Variants in ADGRV1 observed in about 807,000 individuals in gnomAD.
ADGRV1 encodes adhesion G protein-coupled receptor V1.
A neutral mutation model predicts 596.2 loss-of-function variants in ADGRV1; 359 were observed. That is an observed-to-expected ratio of 0.60 (90% CI 0.55 to 0.66). The LOEUF (loss-of-function observed/expected upper bound fraction) is 0.66, where lower values mean the gene tolerates loss of function less well. ADGRV1 is among the 30% of genes least tolerant of loss of function. The probability of loss-of-function intolerance (pLI) is 0.00; values close to 1 mark genes in which losing one functional copy is unlikely to be tolerated. For synonymous variants in ADGRV1, 2,681 were observed against 2,679.2 expected, an observed-to-expected ratio of 1.00 and a Z score of -0.02; for missense variants, 7,274 against 7,575.6, an observed-to-expected ratio of 0.96 and a Z score of 1.48.
At chr5:90,648,510 G>A (rs901278315) in intron 17 of ADGRV1, among the ~76,000 whole-genome samples, 2 of 152,006 alleles carry the variant, frequency 1.3e-5, no homozygotes, top group Non-Finnish European at 2.9e-5. Context: ...GAGCTCTAAC[G>A]TTTGCATCGG....
intron 83 of ADGRV1, among the ~76,000 whole-genome samples, chr5:90,920,574 A>G (rs1037969661): frequency 6.6e-6 from 1 of 152,206 alleles, no homozygotes; most frequent in Non-Finnish European, 1.5e-5. Flanking sequence ...TTAATATTTT[A>G]TAGCTGATTC....
chr5:90,622,540 C>T (rs932331675), intron 4 of ADGRV1, 57 bp from the exon 5 acceptor site: 14 of 678,396 alleles, frequency 2.1e-5, no homozygotes, highest in African/African-American at 3.8e-5. Flanking sequence ...TAGTTTTTAC[C>T]GCCTCATACC....
At chr5:90,780,535 G>C (rs1758726152) in intron 64 of ADGRV1, among the ~76,000 whole-genome samples, 1 of 152,120 alleles carries the variant, frequency 6.6e-6, no homozygotes, top group Non-Finnish European at 1.5e-5. Context: ...TTGAAGCTTT[G>C]TTTGATGGGA....
chr5:90,746,652 A>G (rs1754663966), intron 52 of ADGRV1, among the ~76,000 whole-genome samples: 1 of 152,160 alleles, frequency 6.6e-6, no homozygotes, highest in Non-Finnish European at 1.5e-5. Context: ...GTTGTTTGAA[A>G]GCTGATGTTA....
intron 89 of ADGRV1, among the ~76,000 whole-genome samples, chr5:91,162,692 A>T (rs1797057332): frequency 6.6e-6 from 1 of 152,206 alleles, no homozygotes; most frequent in Admixed American, 6.5e-5. Flanking sequence ...TAACAGAGAG[A>T]GTGCGAAGGT....
At chr5:90,759,388 C>G (rs1372918711) in intron 57 of ADGRV1, 21 bp from the exon 58 acceptor site, 6 of 1,503,518 alleles carry the variant, frequency 4.0e-6, no homozygotes, top group Non-Finnish European at 5.4e-6. Flanking sequence ...CTCTTTCTCC[C>G]TTCCTTCCTT....
chr5:91,053,267 T>A (rs555476326), intron 85 of ADGRV1, among the ~76,000 whole-genome samples: 1 of 152,356 alleles, frequency 6.6e-6, no homozygotes, highest in South Asian at 2.1e-4. Context: ...AAATGATATA[T>A]GTCACTCAGT....
chr5:90,620,003 T>A (rs907147458), intron 4 of ADGRV1, among the ~76,000 whole-genome samples: 1 of 152,070 alleles, frequency 6.6e-6, no homozygotes, highest in African/African-American at 2.4e-5. Flanking sequence ...TCTATCATTG[T>A]TGGACATTTG....
chr5:90,712,375 A>T lies in ADGRV1; in HGVS notation c.9131A>T (p.Gln3044Leu), dbSNP rs778099492. 5 of 1,584,918 alleles carry T rather than the reference A, an allele frequency of 3.2e-6. No homozygotes were observed. In the East Asian group the frequency reaches 1.1e-4, roughly 36 times the overall value. Residue 3044 changes from glutamine (Q) to leucine (L), a missense_variant, in exon 42 of 90, where the codon CAG becomes CTG. Coordinates refer to ENST00000405460, the MANE Select transcript of ADGRV1 (RefSeq NM_032119.4). ...ATTCCAGAAGGAGATGAAAAATTTC[A>T]GCTGATTTTAACAAATCCTTCTCCT... ...DDIPEGDEKF[Q>L]LILTNPSPGL...
chr5:90,597,259 T>A (rs1281166483), intron 1 of ADGRV1, among the ~76,000 whole-genome samples: 1 of 152,212 alleles, frequency 6.6e-6, no homozygotes, highest in Non-Finnish European at 1.5e-5. Flanking sequence ...AATATGAGTG[T>A]TGTTCTGCAG....
intron 20 of ADGRV1, 120 bp from the exon 21 acceptor site, chr5:90,657,785 A>G (rs1368672605): frequency 1.9e-6 from 2 of 1,060,284 alleles, no homozygotes; most frequent in East Asian, 5.0e-5. Context: ...TAGTTATGCA[A>G]AAGTTTCATT....
intron 34 of ADGRV1, among the ~76,000 whole-genome samples, chr5:90,701,221 T>C (rs776963378): frequency 1.3e-5 from 2 of 152,096 alleles, no homozygotes; most frequent in Admixed American, 6.5e-5. Context: ...AAAGTCTTTG[T>C]CATCTAAAAA....
chr5:90,967,502 A>G (rs1015815618), intron 84 of ADGRV1, among the ~76,000 whole-genome samples: 3 of 152,154 alleles, frequency 2.0e-5, no homozygotes, highest in Non-Finnish European at 2.9e-5. Flanking sequence ...TCTGAGTTAA[A>G]CTTTTTTAAA....
chr5:91,099,897 T>C (rs1479519226), intron 86 of ADGRV1, among the ~76,000 whole-genome samples: 1 of 152,200 alleles, frequency 6.6e-6, no homozygotes, highest in Admixed American at 6.5e-5. Context: ...ATGTGTATCC[T>C]CTATCTACTA....
At position 90,788,539 on chromosome 5, in the gene ADGRV1, T is replaced by C. The variant is rs370439404; in HGVS notation, c.13893+229T>C. 2.6e-5 allele frequency among the ~76,000 whole-genome samples: 4 copies of C among 152,212 alleles called. No individual in the cohort carries two copies. The East Asian group carries it at 7.7e-4, about 29-fold the overall frequency. On this transcript the variant is annotated intron_variant, in intron 68 of 89. Coordinates refer to ENST00000405460, the MANE Select transcript of ADGRV1 (RefSeq NM_032119.4). The stretch of plus-strand genomic sequence containing the variant: ...AAAACATTTTAGTATATGATACTTA[T>C]TTTATAAGCTTGGAGAAAATTTGGT...
chr5:91,027,499 CA>C (rs1292926698), intron 85 of ADGRV1, among the ~76,000 whole-genome samples: 2 of 152,080 alleles, frequency 1.3e-5, no homozygotes, highest in East Asian at 1.9e-4. Context: ...GAAGGAAAGT[CA>C]AAAAGGCTAC....
At chr5:90,766,059 G>A (rs529239971) in intron 59 of ADGRV1, among the ~76,000 whole-genome samples, 57 of 152,024 alleles carry the variant, frequency 3.7e-4, no homozygotes, top group South Asian at 1.7e-3. Flanking sequence ...ACAGGCGCCC[G>A]CCACCACACC....
intron 7 of ADGRV1, among the ~76,000 whole-genome samples, chr5:90,628,298 G>C (rs1765062728): frequency 2.0e-5 from 3 of 150,980 alleles, no homozygotes; most frequent in Non-Finnish European, 4.4e-5. Flanking sequence ...TGAAGTCCCA[G>C]ATACTTGGGA....
intron 77 of ADGRV1, among the ~76,000 whole-genome samples, chr5:90,833,422 C>T (rs1193160171): frequency 6.6e-6 from 1 of 152,052 alleles, no homozygotes; most frequent in Non-Finnish European, 1.5e-5. Flanking sequence ...GTAGCCGTGA[C>T]TACAAGTGCA....
Sources: allele counts gnomAD v4.1 joint callset (sites outside exome capture counted in the v4.1 genomes callset), GRCh38; gene constraint gnomAD v4.1.1; transcripts MANE v1.5; gene names NCBI Gene and HGNC (gene_info 2026-07-23, HGNC 2026-07-21).